Variants in CENPM observed in about 807,000 individuals in gnomAD.
CENPM encodes interphase centromere complex protein 39.
Under a neutral mutation model 19.6 loss-of-function variants are expected in CENPM, and 14 were observed. The ratio of observed to expected loss-of-function variants is 0.71; its 90% CI spans 0.47 to 1.11. CENPM has a LOEUF of 1.11. Ranked by LOEUF, CENPM falls within the 50% of genes most tolerant of loss-of-function variation. CENPM has a pLI of 0.00. For missense variants in CENPM, 239 were observed against 228.4 expected (o/e 1.05, Z -0.30); for synonymous variants, 114 against 101.5 (o/e 1.12, Z -0.74).
intron 1 of CENPM, 183 bp downstream of exon 1, chr22:41,946,837 G>A (rs2077811016): frequency 3.2e-6 from 2 of 629,096 alleles, no homozygotes; most frequent in South Asian, 1.9e-5. Flanking sequence ...ATTGGTGGGT[G>A]CGTCCCTCAA....
intron 5 of CENPM, among the ~76,000 whole-genome samples, chr22:41,942,545 T>C: frequency 6.6e-6 from 1 of 152,076 alleles, no homozygotes; most frequent in East Asian, 1.9e-4. Flanking sequence ...GGTCAGGAGA[T>C]TGAGACCATC....
At chr22:41,936,862 G>C (rs1194456890), downstream of CENPM, among the ~76,000 whole-genome samples, 1 of 152,180 alleles carries the variant, frequency 6.6e-6, no homozygotes, top group African/African-American at 2.4e-5. Context: ...AGGGAGCAGA[G>C]GCTGCAGTGA....
At chr22:41,928,994 T>C in the CENPM span, among the ~76,000 whole-genome samples, 5 of 151,498 alleles carry the variant, frequency 3.3e-5, no homozygotes, top group Non-Finnish European at 7.4e-5. The surrounding 1 kb of genome is among the most constrained non-coding windows in gnomAD (Gnocchi z 4.0). Flanking sequence ...TGGCCCACCC[T>C]CTCCATCCCC....
chr22:41,933,812 G>A (rs546240296), downstream of CENPM, among the ~76,000 whole-genome samples: 3 of 152,334 alleles, frequency 2.0e-5, no homozygotes, highest in Non-Finnish European at 4.4e-5. Flanking sequence ...CCTGCCAGCA[G>A]GCCTGGCCCA....
At chr22:41,928,173 CTA>C in the CENPM span, 2 of 430,556 alleles carry the variant, frequency 4.6e-6, no homozygotes, top group East Asian at 7.9e-5. The surrounding 1 kb of genome is among the most constrained non-coding windows in gnomAD (Gnocchi z 4.0). Flanking sequence ...GAAGATCTGC[CTA>C]TGAGTGAGGG....
rs1250703022 is a variant in CENPM, at chr22:41,945,258, A to G, written c.277T>C (p.Phe93Leu). Residue 93 changes from phenylalanine to leucine, a missense_variant, in exon 4 of 6, where the codon TTC becomes CTC. Transcript: ENST00000215980. ...ESLRHVDASF[F>L]LGKVCFLATG... ...GCGAGGAAACACACCTTCCCCAAGAAGAAGCTGGCATCCACATGGCGCAGG... is the reference window on the plus strand; with the variant it reads ...GCGAGGAAACACACCTTCCCCAAGAGGAAGCTGGCATCCACATGGCGCAGG... 4.3e-6 allele frequency: 7 copies of G among 1,613,976 alleles called. No individual in the cohort carries two copies. Among genetic ancestry groups the G allele is most frequent in the Non-Finnish European group, 5.9e-6 (7 of 1,180,010 alleles).
chr22:41,933,400 A>G, the CENPM span, among the ~76,000 whole-genome samples: 1 of 152,102 alleles, frequency 6.6e-6, no homozygotes, highest in Non-Finnish European at 1.5e-5. Context: ...GTGTCCTCAC[A>G]GGGAGGCTGG....
At chr22:41,944,368 G>A (rs993771390) in intron 4 of CENPM, among the ~76,000 whole-genome samples, 4 of 151,030 alleles carry the variant, frequency 2.6e-5, no homozygotes, top group South Asian at 2.1e-4. Flanking sequence ...CCAGGGAGAC[G>A]GTGGTTGCGG....
At chr22:41,929,631 G>A in the CENPM span, among the ~76,000 whole-genome samples, 3 of 152,216 alleles carry the variant, frequency 2.0e-5, no homozygotes, top group African/African-American at 4.8e-5. Flanking sequence ...AGGGAGGCCA[G>A]CTGCTAAGAG....
intron 5 of CENPM, 74 bp downstream of exon 5, chr22:41,943,536 T>C: frequency 7.8e-7 from 1 of 1,284,720 alleles, no homozygotes; most frequent in Non-Finnish European, 1.1e-6. Context: ...GCATTCCCAA[T>C]GTGCCCACTG....
the CENPM span, among the ~76,000 whole-genome samples, chr22:41,927,513 CTTTTTTT>C: frequency 7.7e-6 from 1 of 129,268 alleles, no homozygotes; most frequent in Non-Finnish European, 1.6e-5. Context: ...CAGACACCTG[CTTTTTTT>C]TTTTTTTTTT....
the CENPM span, among the ~76,000 whole-genome samples, chr22:41,932,710 G>A: frequency 6.6e-6 from 1 of 152,226 alleles, no homozygotes; most frequent in Non-Finnish European, 1.5e-5. This position sits in a 1 kb window ranked among gnomAD's most constrained non-coding sequence, Gnocchi z 4.3. Flanking sequence ...CCACCTCTTG[G>A]GGGCCAGGTG....
At chr22:41,935,775 C>T (rs1165139670), downstream of CENPM, among the ~76,000 whole-genome samples, 2 of 152,226 alleles carry the variant, frequency 1.3e-5, no homozygotes, top group African/African-American at 4.8e-5. Flanking sequence ...CATCCTGAGG[C>T]AGGAACCATG....
chr22:41,943,652 C>T lies in CENPM; in HGVS notation c.360G>A (p.Leu120=), dbSNP rs1314231695. ...CSIHRHTVVK[L]AHTYQSPLLY... ...GCAGGGGGCTTTGATAGGTGTGGGC[C>T]AGCTTCACCACGGTGTGCCGGTGAA... Residue 120 remains leucine, a synonymous_variant, in exon 5 of 6, where the codon CTG becomes CTA. Coordinates refer to ENST00000215980, the MANE Select transcript of CENPM (RefSeq NM_024053.5). 2 of 1,613,868 alleles carry T rather than the reference C, an allele frequency of 1.2e-6. No homozygotes were observed. The highest frequency in any genetic ancestry group is 2.2e-5 in the East Asian group (1 of 44,878).
chr22:41,933,752 A>T (rs949616443), downstream of CENPM, among the ~76,000 whole-genome samples: 1 of 152,090 alleles, frequency 6.6e-6, no homozygotes, highest in Non-Finnish European at 1.5e-5. Flanking sequence ...ACTGGAGGGG[A>T]GGGGCTAAGC....
chr22:41,938,565 A>C (rs1456466916), downstream of CENPM, among the ~76,000 whole-genome samples: 1 of 151,538 alleles, frequency 6.6e-6, no homozygotes, highest in Non-Finnish European at 1.5e-5. Flanking sequence ...GGGATACACC[A>C]TGTTGGCCAG....
chr22:41,939,888 A>AAGAAAGAAAG (rs1569425951), intron 5 of CENPM, among the ~76,000 whole-genome samples: 3 of 54,350 alleles, frequency 5.5e-5, no homozygotes, highest in African/African-American at 1.0e-4. Context: ...AAAAGAAAGA[A>AAGAAAGAAAG]AGAAAGAAAG....
At position 41,938,949 on chromosome 22, in the gene CENPM, C is replaced by G. The variant is rs1047997; in HGVS notation, c.*107G>C. Reference sequence around the variant, plus strand: ...CTGCAGGGAACCTTCCCAGCCACGGCGGGCTGAGCCTGGGCCTGTCAAGCC... The same window carrying G: ...CTGCAGGGAACCTTCCCAGCCACGGGGGGCTGAGCCTGGGCCTGTCAAGCC... On this transcript the variant is annotated 3_prime_UTR_variant, in exon 6 of 6. Coordinates refer to ENST00000215980, the MANE Select transcript of CENPM (RefSeq NM_024053.5). 314,009 of 1,428,932 alleles carry G rather than the reference C, an allele frequency of 0.22. 38,713 individuals carry two copies. The highest frequency in any genetic ancestry group is 0.46 in the Admixed American group (21,862 of 47,376). 88.5% of individuals were successfully genotyped at this position (1,428,932 alleles called of 1,614,324 possible).
downstream of CENPM, among the ~76,000 whole-genome samples, chr22:41,936,555 C>T (rs750553374): frequency 4.6e-5 from 7 of 152,144 alleles, no homozygotes; most frequent in Non-Finnish European, 1.0e-4. Flanking sequence ...GCCGCATCCC[C>T]GACACCTACA....
Sources: gnomAD v4.1 joint callset for allele counts (sites outside exome capture counted in the v4.1 genomes callset) on GRCh38, gnomAD v4.1.1 for gene constraint, Gnocchi (gnomAD v3.1) non-coding constraint, MANE v1.5 for transcripts, NCBI Gene and HGNC (gene_info 2026-07-23, HGNC 2026-07-21) for gene names.